Variants in MLIP observed in about 807,000 individuals in gnomAD.
The protein encoded by MLIP is muscular LMNA-interacting protein.
A neutral mutation model predicts 84.8 loss-of-function variants in MLIP; 79 were observed. That is an observed-to-expected ratio of 0.93 (90% CI 0.78 to 1.12). The LOEUF is 1.12. MLIP is among the 50% of genes most tolerant of loss of function. The pLI, the probability that MLIP is intolerant of heterozygous loss-of-function variation, is 0.00. For missense variants in MLIP, 1,257 were observed against 1,160.6 expected, an observed-to-expected ratio of 1.08 and a Z score of -1.21; for synonymous variants, 504 against 463.0, an observed-to-expected ratio of 1.09 and a Z score of -1.14.
chr6:54,076,194 G>T (rs1001850947), intron 1 of MLIP, among the ~76,000 whole-genome samples: 1 of 152,104 alleles, frequency 6.6e-6, no homozygotes, highest in Non-Finnish European at 1.5e-5. Context: ...CCCATGAGCC[G>T]AAATCAATAG....
chr6:54,033,442 T>C (rs1267110527), intron 1 of MLIP, among the ~76,000 whole-genome samples: 1 of 152,086 alleles, frequency 6.6e-6, no homozygotes, highest in Non-Finnish European at 1.5e-5. Flanking sequence ...AATTTTTGTA[T>C]TTTTAGTAGA....
chr6:54,055,521 G>A (rs1029398067), intron 1 of MLIP, among the ~76,000 whole-genome samples: 5 of 152,122 alleles, frequency 3.3e-5, no homozygotes, highest in African/African-American at 7.2e-5. Context: ...CTACATTGAA[G>A]TGTGTTTTCA....
chr6:54,241,810 A>T (rs1781753340), intron 12 of MLIP, among the ~76,000 whole-genome samples: 1 of 152,184 alleles, frequency 6.6e-6, no homozygotes, highest in South Asian at 2.1e-4. Flanking sequence ...GAAGGAATAT[A>T]ACTTGTCTGA....
rs536009173 is a variant in MLIP at position 54,208,596 on chromosome 6, T to A, written c.2718+6363T>A. ...ACAAGACCTCCATCTCTTAAAAAAATTTTTTTGTTTGTAAGGAAAAAAAGA... is the reference window on the plus strand; with the variant it reads ...ACAAGACCTCCATCTCTTAAAAAAAATTTTTTGTTTGTAAGGAAAAAAAGA... On this transcript the variant is annotated intron_variant, in intron 11 of 13. Transcript: ENST00000502396. Among the ~76,000 whole-genome samples the A allele has an allele frequency of 1.1e-4, 16 of 152,234 alleles. No homozygotes were observed. In the South Asian group the frequency reaches 2.9e-3, roughly 28 times the overall value.
At chr6:54,214,264 A>G (rs1286435143) in intron 11 of MLIP, among the ~76,000 whole-genome samples, 1 of 152,202 alleles carries the variant, frequency 6.6e-6, no homozygotes, top group Non-Finnish European at 1.5e-5. Flanking sequence ...GCCAAGACAC[A>G]CCCAACAGCC....
intron 5 of MLIP, 85 bp from the exon 6 acceptor site, chr6:54,160,282 C>A: frequency 9.9e-7 from 1 of 1,011,774 alleles, no homozygotes; most frequent in Non-Finnish European, 1.5e-6. Flanking sequence ...AATATTAATA[C>A]ATACAAGGCT....
intron 12 of MLIP, among the ~76,000 whole-genome samples, chr6:54,233,931 AT>A (rs1337843410): frequency 6.6e-6 from 1 of 152,054 alleles, no homozygotes; most frequent in African/African-American, 2.4e-5. Flanking sequence ...TTTGATTTGC[AT>A]TTCTGTAATG....
At chr6:54,100,887 C>A (rs1353099307) in intron 1 of MLIP, among the ~76,000 whole-genome samples, 1 of 152,014 alleles carries the variant, frequency 6.6e-6, no homozygotes, top group Non-Finnish European at 1.5e-5. Context: ...GTTTGTTTTG[C>A]CCAGGATGAA....
intron 1 of MLIP, among the ~76,000 whole-genome samples, chr6:54,100,324 A>G (rs1768550150): frequency 6.6e-6 from 1 of 151,832 alleles, no homozygotes; most frequent in Middle Eastern, 3.2e-3. Flanking sequence ...TGGTAAGATG[A>G]TTGCTCTTTC....
chr6:54,071,678 T>A (rs564260704), intron 1 of MLIP, among the ~76,000 whole-genome samples: 2 of 152,314 alleles, frequency 1.3e-5, no homozygotes, highest in East Asian at 1.9e-4. Context: ...ATATAGATTG[T>A]CCCTGGTAAC....
intron 1 of MLIP, among the ~76,000 whole-genome samples, chr6:54,036,590 G>A (rs867076159): frequency 2.0e-5 from 3 of 151,982 alleles, no homozygotes; most frequent in Non-Finnish European, 4.4e-5. Context: ...CCAACGATAA[G>A]TGTTGTAGAC....
chr6:54,211,959 A>G (rs1371276626), intron 11 of MLIP, among the ~76,000 whole-genome samples: 1 of 152,188 alleles, frequency 6.6e-6, no homozygotes, highest in Admixed American at 6.5e-5. Flanking sequence ...TTTAGGGAGA[A>G]CTAAGAACTT....
At chr6:54,033,360 G>C (rs9474707) in intron 1 of MLIP, among the ~76,000 whole-genome samples, 3 of 151,306 alleles carry the variant, frequency 2.0e-5, no homozygotes, top group Non-Finnish European at 4.4e-5. Context: ...TCCGCCTCCC[G>C]GGTTCAAGTG....
intron 1 of MLIP, among the ~76,000 whole-genome samples, chr6:54,065,095 G>A (rs1305224927): frequency 1.0e-5 from 1 of 99,346 alleles, no homozygotes; most frequent in Non-Finnish European, 2.9e-5. Context: ...TAGATTTTTG[G>A]TCTAAATCCT....
intron 9 of MLIP, among the ~76,000 whole-genome samples, chr6:54,182,982 A>G (rs1026776621): frequency 1.2e-4 from 18 of 152,202 alleles, no homozygotes; most frequent in Admixed American, 1.2e-3. Context: ...ATCTCATTTT[A>G]GTGAGCTTGA....
At chr6:54,239,328 G>A (rs1488862493) in intron 12 of MLIP, among the ~76,000 whole-genome samples, 1 of 144,880 alleles carries the variant, frequency 6.9e-6, no homozygotes, top group Admixed American at 6.8e-5. Flanking sequence ...AGATGATCAT[G>A]TGTTCTGATC....
chr6:54,021,851 C>G (rs1201752354), intron 1 of MLIP, among the ~76,000 whole-genome samples: 1 of 152,114 alleles, frequency 6.6e-6, no homozygotes, highest in Non-Finnish European at 1.5e-5. Context: ...TCCAATATTT[C>G]AAACATGAGA....
At chr6:54,180,092 G>T (rs529039174) in intron 9 of MLIP, among the ~76,000 whole-genome samples, 64 of 152,074 alleles carry the variant, frequency 4.2e-4, no homozygotes, top group South Asian at 3.5e-3. Context: ...AAACTTTTTT[G>T]TTGTTGTTGT....
At chr6:54,068,032 CTTTTTTCT>C (rs145233676) in intron 1 of MLIP, among the ~76,000 whole-genome samples, 909 of 48,164 alleles carry the variant, frequency 0.019, 313 homozygotes, top group Non-Finnish European at 0.043. Flanking sequence ...TCCTTCCTTC[CTTTTTTCT>C]TTCCTTCCTT....
Sources: gnomAD v4.1 joint callset for allele counts (sites outside exome capture counted in the v4.1 genomes callset) on GRCh38, gnomAD v4.1.1 for gene constraint, MANE v1.5 for transcripts, NCBI Gene and HGNC (gene_info 2026-07-23, HGNC 2026-07-21) for gene names.